The following FNBP1 variants were observed in gnomAD, a reference collection of about 807,000 sequenced individuals.
FNBP1 encodes formin-binding protein 1.
Under a neutral mutation model 90.6 loss-of-function variants are expected in FNBP1, and 26 were observed. The ratio of observed to expected loss-of-function variants is 0.29; its 90% CI spans 0.21 to 0.40. The LOEUF (loss-of-function observed/expected upper bound fraction) is 0.40. Among genes scored for constraint, FNBP1 ranks in the 10% least tolerant of loss-of-function variants. The pLI is 1.00. For missense variants in FNBP1, 635 were observed against 768.0 expected (o/e 0.83, Z 2.05); for synonymous variants, 260 against 265.2 (o/e 0.98, Z 0.19).
At chr9:130,052,294 T>C in the FNBP1 span, among the ~76,000 whole-genome samples, 1 of 152,176 alleles carries the variant, frequency 6.6e-6, no homozygotes, top group Non-Finnish European at 1.5e-5. Context: ...TACCCAAGTA[T>C]AGAGAAGCAA....
intron 10 of FNBP1, among the ~76,000 whole-genome samples, chr9:129,923,536 G>A (rs2041422966): frequency 6.7e-6 from 1 of 149,902 alleles, no homozygotes; most frequent in African/African-American, 2.5e-5. Context: ...CCGAGATCAC[G>A]CCACTGCACT....
At chr9:129,925,834 T>C (rs1471425293) in intron 8 of FNBP1, among the ~76,000 whole-genome samples, 1 of 151,868 alleles carries the variant, frequency 6.6e-6, no homozygotes, top group African/African-American at 2.4e-5. Flanking sequence ...CCTCAGGTGA[T>C]CCGCCTGCCT....
At chr9:130,017,557 C>A (rs1002988772) in intron 1 of FNBP1, among the ~76,000 whole-genome samples, 2 of 152,038 alleles carry the variant, frequency 1.3e-5, no homozygotes, top group African/African-American at 2.4e-5. Flanking sequence ...AGGCTGGGTG[C>A]GGTAGCTCAC....
At chr9:130,052,701 C>G in the FNBP1 span, among the ~76,000 whole-genome samples, 2 of 152,024 alleles carry the variant, frequency 1.3e-5, no homozygotes, top group Admixed American at 1.3e-4. Context: ...TTCCAAAGTG[C>G]TGGGATTCAG....
intron 6 of FNBP1, among the ~76,000 whole-genome samples, chr9:129,947,683 C>T (rs1299168705): frequency 1.3e-5 from 2 of 150,574 alleles, no homozygotes; most frequent in Non-Finnish European, 3.0e-5. Flanking sequence ...AGTAAAATGG[C>T]GTGATCTCGG....
rs56225951 is a variant in FNBP1, at chr9:130,031,808, A to G, written c.24+11144T>C. 0.24 allele frequency among the ~76,000 whole-genome samples: 36,564 copies of G among 151,678 alleles called. 4,545 individuals are homozygous for G. Among genetic ancestry groups the G allele is most frequent in the Non-Finnish European group, 0.28 (18,986 of 67,890 alleles). On this transcript the variant is annotated intron_variant, in intron 1 of 16. Coordinates refer to ENST00000446176, the MANE Select transcript of FNBP1 (RefSeq NM_015033.3). The surrounding 1 kb of genome is among the most constrained non-coding windows in gnomAD (Gnocchi z 4.2). ...TCCCGAGTAGCTGGGATTACAGGCG[A>G]GCGCCATCATGCCTGGCTAAGTTTT...
chr9:129,993,594 G>A (rs2053542289), intron 2 of FNBP1, among the ~76,000 whole-genome samples: 1 of 148,874 alleles, frequency 6.7e-6, no homozygotes, highest in Non-Finnish European at 1.5e-5. Flanking sequence ...GGGATTGCAG[G>A]CATGAGCCAC....
Position 129,890,250 on chromosome 9 carries a change from G to C in FNBP1, c.*289C>G. 1 of 505,700 alleles carries C rather than the reference G, an allele frequency of 2.0e-6. No individual in the cohort carries two copies. The highest frequency in any genetic ancestry group is 3.5e-6 in the Non-Finnish European group (1 of 284,550). 31.3% of individuals were successfully genotyped at this position (505,700 alleles called of 1,614,324 possible). ...GGCCCAGGAAGGAGCAGGTAGGGGC[G>C]TGTGTCCCACCGTCTCAGTGGCCTG... On this transcript the variant is annotated 3_prime_UTR_variant, in exon 17 of 17. Transcript: ENST00000446176. The surrounding 1 kb of genome is among the most constrained non-coding windows in gnomAD (Gnocchi z 5.8).
rs1442921560 is a variant in FNBP1 at position 129,957,437 on chromosome 9, T to C, written c.436A>G (p.Lys146Glu). 6.2e-7 allele frequency: 1 copy of C among 1,613,792 alleles called. No homozygotes were observed. The highest frequency in any genetic ancestry group is 1.7e-5 in the Admixed American group (1 of 60,010). ...SSKRRFERDC[K>E]EADRAQQYFE... ...TACTGCTGCGCCCTGTCCGCCTCTT[T>C]GCAATCGCGTTCAAATCGCCTTTTA... The change falls in exon 6 of 17, where the codon AAA becomes GAA. Residue 146 changes from lysine (K) to glutamate (E), a missense_variant. Physicochemically the swap from Lys to Glu is moderately conservative, Grantham distance 56. Transcript: ENST00000446176. This position sits in a 1 kb window ranked among gnomAD's most constrained non-coding sequence, Gnocchi z 4.3.
At chr9:129,938,541 C>CTTTTTTTT (rs77369142) in intron 6 of FNBP1, among the ~76,000 whole-genome samples, 3,815 of 140,336 alleles carry the variant, frequency 0.027, 66 homozygotes, top group South Asian at 0.064. Flanking sequence ...TTTCCTGACT[C>CTTTTTTTT]TTTTTTTTTT....
At chr9:130,039,594 A>G (rs56127516) in intron 1 of FNBP1, among the ~76,000 whole-genome samples, 1,527 of 151,814 alleles carry the variant, frequency 0.01, 27 homozygotes, top group African/African-American at 0.035. Context: ...GAGAATCACT[A>G]GAACCTGGGA....
At chr9:129,919,495 T>C (rs1036261642) in intron 10 of FNBP1, among the ~76,000 whole-genome samples, 6 of 152,224 alleles carry the variant, frequency 3.9e-5, no homozygotes, top group Admixed American at 1.3e-4. Flanking sequence ...ATGGAGAACA[T>C]GCTATCTAGT....
intron 7 of FNBP1, among the ~76,000 whole-genome samples, chr9:129,927,772 G>A (rs1024781419): frequency 5.0e-4 from 25 of 50,460 alleles, no homozygotes; most frequent in Admixed American, 1.4e-3. Context: ...CCCTCCCCCC[G>A]CCACCACACT....
chr9:130,049,743 C>T, the FNBP1 span, among the ~76,000 whole-genome samples: 134,422 of 152,156 alleles, frequency 0.88, 60,359 homozygotes, highest in East Asian at 0.97. Context: ...AGAAAGAATA[C>T]GTATAAAATG....
At chr9:129,930,016 A>G (rs1479784990) in intron 6 of FNBP1, among the ~76,000 whole-genome samples, 1 of 149,934 alleles carries the variant, frequency 6.7e-6, no homozygotes, top group Non-Finnish European at 1.5e-5. Flanking sequence ...TGCTCATCTC[A>G]TATACACATT....
chr9:129,933,804 T>C (rs925477107), intron 6 of FNBP1, among the ~76,000 whole-genome samples: 2 of 152,096 alleles, frequency 1.3e-5, no homozygotes, highest in South Asian at 4.1e-4. Flanking sequence ...CTGTGATACA[T>C]CAGATTCTCC....
Position 129,887,562 on chromosome 9 carries a change from T to A in FNBP1, c.*2977A>T, listed in dbSNP as rs2034826051. 9.4e-6 allele frequency: 2 copies of A among 213,004 alleles called. No individual in the cohort carries two copies. Among genetic ancestry groups the A allele is most frequent in the African/African-American group, 2.3e-5 (1 of 44,144 alleles). 13.2% of individuals were successfully genotyped at this position (213,004 alleles called of 1,614,324 possible). A position where few individuals can be genotyped will look rare whatever the true frequency, so the allele number is the denominator to read the frequency against. ...GTAAACTTTCTTCTGCAATGACGGA[T>A]GTTACCAAAAGGCATCGAGACCTTT... On this transcript the variant is annotated 3_prime_UTR_variant, in exon 17 of 17. Transcript: ENST00000446176.
At position 129,890,571 on chromosome 9, in the gene FNBP1, G is replaced by C. The variant is rs765613546; in HGVS notation, c.1847-25C>G. The C allele has an allele frequency of 3.2e-6, 5 of 1,568,304 alleles. No individual in the cohort carries two copies. Among genetic ancestry groups the C allele is most frequent in the Non-Finnish European group, 4.3e-6 (5 of 1,156,406 alleles). On this transcript the variant is annotated intron_variant, in intron 16 of 16. Transcript: ENST00000446176. The surrounding 1 kb of genome is among the most constrained non-coding windows in gnomAD (Gnocchi z 5.8). Reference sequence around the variant, plus strand: ...TCTACAACACAAAGAGAAACAGAAAGAGAAACTCTCTGTTAGAGAGGAAGG... The same window carrying C: ...TCTACAACACAAAGAGAAACAGAAACAGAAACTCTCTGTTAGAGAGGAAGG...
At chr9:129,911,277 T>C (rs1006607445) in intron 11 of FNBP1, among the ~76,000 whole-genome samples, 22 of 152,178 alleles carry the variant, frequency 1.4e-4, no homozygotes, top group Non-Finnish European at 2.9e-4. Flanking sequence ...ATTCTGATTG[T>C]GGCCATATGA....
Sources: gnomAD v4.1 joint callset for allele counts (sites outside exome capture counted in the v4.1 genomes callset) on GRCh38, gnomAD v4.1.1 for gene constraint, Gnocchi (gnomAD v3.1) non-coding constraint, MANE v1.5 for transcripts, NCBI Gene and HGNC (gene_info 2026-07-23, HGNC 2026-07-21) for gene names.